The following CNTN5 variants were observed in gnomAD, a reference collection of about 807,000 sequenced individuals.
CNTN5 encodes the protein contactin 5.
Under a neutral mutation model 129.1 loss-of-function variants are expected in CNTN5, and 77 were observed. That is an observed-to-expected ratio of 0.60 (90% CI 0.50 to 0.72). The LOEUF (loss-of-function observed/expected upper bound fraction) is 0.72. Ranked by LOEUF, CNTN5 falls within the 30% of genes least tolerant of loss-of-function variation. CNTN5 has a pLI of 0.00. For missense variants in CNTN5, 1,478 were observed against 1,328.8 expected (o/e 1.11, Z -1.75); for synonymous variants, 509 against 465.6 (o/e 1.09, Z -1.20).
At chr11:99,462,372 T>TTTG (rs1309702152) in intron 2 of CNTN5, among the ~76,000 whole-genome samples, 30 of 148,898 alleles carry the variant, frequency 2.0e-4, no homozygotes, top group African/African-American at 7.4e-4. Flanking sequence ...TTTTTTTTTT[T>TTTG]TTTTACATTT....
At chr11:99,516,101 C>T (rs1947041259) in intron 2 of CNTN5, among the ~76,000 whole-genome samples, 1 of 149,726 alleles carries the variant, frequency 6.7e-6, no homozygotes, top group Non-Finnish European at 1.5e-5. Context: ...TATGCAATAC[C>T]ATAAGTAACA....
At chr11:99,352,502 C>G (rs1346870771) in intron 2 of CNTN5, among the ~76,000 whole-genome samples, 1 of 152,012 alleles carries the variant, frequency 6.6e-6, no homozygotes, top group East Asian at 1.9e-4. Flanking sequence ...GTCAAACATA[C>G]CAAAATTTTC....
rs1433749257 is a variant in CNTN5, at chr11:99,299,747, T to G, written c.-209-25599T>G. 2.6e-5 allele frequency among the ~76,000 whole-genome samples: 4 copies of G among 152,294 alleles called. No homozygotes were observed. The East Asian group carries it at 7.7e-4, about 29-fold the overall frequency. The stretch of plus-strand genomic sequence containing the variant: ...TGATTTCATACTTTTTATGGCTGCA[T>G]AGTATTCCATAGTGTGCGCATGTGT... On this transcript the variant is annotated intron_variant, in intron 1 of 24. Coordinates refer to ENST00000524871, the MANE Select transcript of CNTN5 (RefSeq NM_014361.4).
chr11:99,072,462 A>C (rs7948006), intron 1 of CNTN5, among the ~76,000 whole-genome samples: 58,932 of 151,836 alleles, frequency 0.39, 11,712 homozygotes, highest in East Asian at 0.55. Context: ...TATCTGGCTT[A>C]TAATATGATT....
chr11:99,542,604 C>T (rs1263752415), intron 2 of CNTN5, among the ~76,000 whole-genome samples: 2 of 152,176 alleles, frequency 1.3e-5, no homozygotes, highest in Non-Finnish European at 2.9e-5. Flanking sequence ...CTACTAGATG[C>T]CAGTAGCATA....
intron 3 of CNTN5, among the ~76,000 whole-genome samples, chr11:99,725,479 CCAA>C (rs1943306482): frequency 6.6e-6 from 1 of 151,396 alleles, no homozygotes; most frequent in Non-Finnish European, 1.5e-5. Flanking sequence ...AAGTTTTGAT[CCAA>C]TACAGAAGTG....
intron 3 of CNTN5, among the ~76,000 whole-genome samples, chr11:99,718,115 TA>T (rs1943042438): frequency 6.6e-6 from 1 of 152,168 alleles, no homozygotes. Flanking sequence ...CAATACGCTC[TA>T]ATTGGAACCT....
At chr11:100,093,091 T>A (rs932031573) in intron 13 of CNTN5, among the ~76,000 whole-genome samples, 4 of 152,020 alleles carry the variant, frequency 2.6e-5, no homozygotes, top group Non-Finnish European at 4.4e-5. Context: ...CTTTGAGTAT[T>A]GTCCCTGATC....
rs1445608484 is a variant in CNTN5, at chr11:100,252,725, G to T, written c.2006-3035G>T. 2.0e-5 allele frequency among the ~76,000 whole-genome samples: 3 copies of T among 152,226 alleles called. No individual in the cohort carries two copies. The East Asian group carries it at 5.8e-4, about 29-fold the overall frequency. ...AGGCCTCTTCACTGACATGTCTGGT[G>T]CCTGGACTTGGATGGCTAGAATAGC... On this transcript the variant is annotated intron_variant, in intron 16 of 24. Transcript: ENST00000524871.
intron 2 of CNTN5, among the ~76,000 whole-genome samples, chr11:99,373,412 T>G (rs1263130373): frequency 6.6e-6 from 1 of 151,606 alleles, no homozygotes; most frequent in Non-Finnish European, 1.5e-5. Flanking sequence ...TTCCCCATTT[T>G]TATTCATTTG....
At chr11:100,212,616 A>G (rs1324161858) in intron 15 of CNTN5, among the ~76,000 whole-genome samples, 1 of 152,194 alleles carries the variant, frequency 6.6e-6, no homozygotes, top group Non-Finnish European at 1.5e-5. Flanking sequence ...GTTTCTAGTT[A>G]GCTGTACGAC....
At chr11:100,111,159 C>A (rs1945647210) in intron 13 of CNTN5, among the ~76,000 whole-genome samples, 1 of 151,904 alleles carries the variant, frequency 6.6e-6, no homozygotes, top group Non-Finnish European at 1.5e-5. Context: ...TAAATGACAC[C>A]CAAAATCAGA....
chr11:100,080,517 A>T (rs890929288), intron 13 of CNTN5, among the ~76,000 whole-genome samples: 1 of 152,160 alleles, frequency 6.6e-6, no homozygotes, highest in African/African-American at 2.4e-5. Flanking sequence ...TGACTCAGAG[A>T]CATATGGGAA....
chr11:100,212,836 T>C (rs940964544), intron 15 of CNTN5, among the ~76,000 whole-genome samples: 2 of 152,146 alleles, frequency 1.3e-5, no homozygotes, highest in African/African-American at 4.8e-5. Flanking sequence ...ACACCAACCA[T>C]GTTTTAGGAG....
intron 13 of CNTN5, among the ~76,000 whole-genome samples, chr11:100,180,160 A>G (rs1206982348): frequency 6.6e-6 from 1 of 151,608 alleles, no homozygotes; most frequent in African/African-American, 2.4e-5. Context: ...ATTCTTAGCA[A>G]AACTATCTTG....
At chr11:100,328,988 C>T (rs551174890) in intron 21 of CNTN5, among the ~76,000 whole-genome samples, 1 of 152,102 alleles carries the variant, frequency 6.6e-6, no homozygotes, top group East Asian at 1.9e-4. Flanking sequence ...AAAACTGAGT[C>T]GGCTTGGTTT....
At chr11:99,103,882 G>A (rs553611764) in intron 1 of CNTN5, among the ~76,000 whole-genome samples, 7 of 152,256 alleles carry the variant, frequency 4.6e-5, no homozygotes, top group East Asian at 3.9e-4. Flanking sequence ...GAAGCCACCA[G>A]AAGGTGGAAG....
intron 15 of CNTN5, among the ~76,000 whole-genome samples, chr11:100,195,476 A>C (rs1392964417): frequency 1.3e-5 from 2 of 151,920 alleles, no homozygotes; most frequent in African/African-American, 4.8e-5. Flanking sequence ...TCTTCTTTGC[A>C]TATATGCTTT....
chr11:100,174,617 G>A (rs1158734620), intron 13 of CNTN5, among the ~76,000 whole-genome samples: 1 of 152,124 alleles, frequency 6.6e-6, no homozygotes, highest in Non-Finnish European at 1.5e-5. Flanking sequence ...TGTAGAGACA[G>A]CCTTCAGAAA....
Sources: gnomAD v4.1 joint callset for allele counts (sites outside exome capture counted in the v4.1 genomes callset) on GRCh38, gnomAD v4.1.1 for gene constraint, MANE v1.5 for transcripts, NCBI Gene and HGNC (gene_info 2026-07-23, HGNC 2026-07-21) for gene names.